Variants in KLHL29 observed in about 807,000 individuals in gnomAD.
The protein encoded by KLHL29 is kelch like family member 29.
Under a neutral mutation model 80.4 loss-of-function variants are expected in KLHL29, and 21 were observed. The ratio of observed to expected loss-of-function variants is 0.26; its 90% CI spans 0.19 to 0.38. The LOEUF is 0.38. Among genes scored for constraint, KLHL29 ranks in the 10% least tolerant of loss-of-function variants. The pLI is 1.00. For synonymous variants in KLHL29, 511 were observed against 526.8 expected, an observed-to-expected ratio of 0.97 and a Z score of 0.41; for missense variants, 867 against 1,223.9, an observed-to-expected ratio of 0.71 and a Z score of 4.35.
chr2:23,588,991 C>T (rs1486809054), intron 3 of KLHL29, among the ~76,000 whole-genome samples: 3 of 152,384 alleles, frequency 2.0e-5, no homozygotes, highest in African/African-American at 7.2e-5. Flanking sequence ...ACGCGTCACA[C>T]CATAGCTCTT....
intron 1 of KLHL29, among the ~76,000 whole-genome samples, chr2:23,468,020 G>A (rs1269059019): frequency 2.0e-5 from 3 of 151,938 alleles, no homozygotes; most frequent in Admixed American, 6.6e-5. Flanking sequence ...CAATGAGCAG[G>A]CATGATCATT....
At chr2:23,448,744 G>C (rs1006028653) in intron 1 of KLHL29, among the ~76,000 whole-genome samples, 5 of 152,206 alleles carry the variant, frequency 3.3e-5, no homozygotes, top group Admixed American at 2.6e-4. Flanking sequence ...TGCTGCACCT[G>C]CAATCTGCTT....
chr2:23,575,389 A>G (rs1017950738), intron 3 of KLHL29, among the ~76,000 whole-genome samples: 31 of 152,326 alleles, frequency 2.0e-4, no homozygotes, highest in African/African-American at 7.5e-4. Context: ...GCAGTCAGCA[A>G]CCATTCTAAG....
chr2:23,619,155 C>T (rs1350418769), intron 3 of KLHL29, among the ~76,000 whole-genome samples: 1 of 152,208 alleles, frequency 6.6e-6, no homozygotes, highest in Admixed American at 6.5e-5. Flanking sequence ...GGTGTCCACT[C>T]CTTGCTCACC....
Position 23,577,609 on chromosome 2 carries a change from G to A in KLHL29, c.285+15128G>A, listed in dbSNP as rs528038145. On this transcript the variant is annotated intron_variant, in intron 3 of 13. Coordinates refer to ENST00000486442, the MANE Select transcript of KLHL29 (RefSeq NM_052920.2). Reference sequence around the variant, plus strand: ...CTAAAAATACAAAAATTAGCTGGGCGTGGTGTTGGGCACCTGTAATCCCAG... The same window carrying A: ...CTAAAAATACAAAAATTAGCTGGGCATGGTGTTGGGCACCTGTAATCCCAG... 9.4e-4 allele frequency among the ~76,000 whole-genome samples: 142 copies of A among 151,826 alleles called. 1 individual carries two copies. Among genetic ancestry groups the A allele is most frequent in the Non-Finnish European group, 6.3e-4 (43 of 67,978 alleles).
At chr2:23,469,257 C>G (rs1056263825) in intron 1 of KLHL29, among the ~76,000 whole-genome samples, 5 of 152,150 alleles carry the variant, frequency 3.3e-5, no homozygotes, top group Admixed American at 3.3e-4. Context: ...CTCTGACTCC[C>G]CACCCACATG....
In KLHL29 at chr2:23,457,513, A is replaced by G. The variant is rs1024413608; in HGVS notation, c.-153-18047A>G. Among the ~76,000 whole-genome samples, 13 of 151,990 alleles carry G rather than the reference A, an allele frequency of 8.6e-5. No individual in the cohort carries two copies. Among genetic ancestry groups the G allele is most frequent in the South Asian group, 2.1e-4 (1 of 4,804 alleles). ...CTTTGGCCCCATGGATCACCCCTCAACCCGTCACCTTGTGTTCCCCGAGGT... is the reference window on the plus strand; with the variant it reads ...CTTTGGCCCCATGGATCACCCCTCAGCCCGTCACCTTGTGTTCCCCGAGGT... On this transcript the variant is annotated intron_variant, in intron 1 of 13. Coordinates refer to ENST00000486442, the MANE Select transcript of KLHL29 (RefSeq NM_052920.2). The surrounding 1 kb of genome is among the most constrained non-coding windows in gnomAD (Gnocchi z 4.3).
chr2:23,390,065 C>G (rs747910181), intron 1 of KLHL29, among the ~76,000 whole-genome samples: 1 of 152,158 alleles, frequency 6.6e-6, no homozygotes, highest in Non-Finnish European at 1.5e-5. Flanking sequence ...TTCCTACAAC[C>G]GCCACAGGCT....
At chr2:23,646,003 T>C (rs1669918306) in intron 5 of KLHL29, among the ~76,000 whole-genome samples, 1 of 152,252 alleles carries the variant, frequency 6.6e-6, no homozygotes, top group South Asian at 2.1e-4. Context: ...AAGACAAATC[T>C]TTCTTTCTCT....
Position 23,684,494 on chromosome 2 carries a change from G to A in KLHL29, c.1036G>A (p.Val346Ile). The A allele has an allele frequency of 1.9e-6, 3 of 1,551,106 alleles. No homozygotes were observed. The highest frequency in any genetic ancestry group is 2.6e-6 in the Non-Finnish European group (3 of 1,146,854). ...CAGAGAGTTTGAAGTCCACCAAAAT[G>A]TTCTAGCTTCCTGCAGCTTGTATTT... The part of the protein sequence containing the change: ...EGREFEVHQN[V>I]LASCSLYFKD... The change falls in exon 6 of 14, where the codon GTT (valine) becomes ATT (isoleucine). Residue 346 changes from valine (V) to isoleucine (I), a missense_variant. By Grantham distance (29) the Val-to-Ile change is conservative. Around this residue, in one of 2 missense-constraint regions of KLHL29, gnomAD observed 443 missense variants for 767.0 expected, o/e 0.58. Transcript: ENST00000486442. This position sits in a 1 kb window ranked among gnomAD's most constrained non-coding sequence, Gnocchi z 4.4.
intron 2 of KLHL29, among the ~76,000 whole-genome samples, chr2:23,484,842 C>T (rs1488388837): frequency 6.6e-6 from 1 of 152,196 alleles, no homozygotes; most frequent in Non-Finnish European, 1.5e-5. Flanking sequence ...CTGCAGACTC[C>T]TGTTCTCCCT....
At chr2:23,513,657 G>A (rs1298433268) in intron 2 of KLHL29, among the ~76,000 whole-genome samples, 2 of 152,206 alleles carry the variant, frequency 1.3e-5, no homozygotes, top group Non-Finnish European at 2.9e-5. Flanking sequence ...TTGTCAGCTG[G>A]TTACGAGTCT....
At chr2:23,532,712 G>C (rs1666535063) in intron 2 of KLHL29, 1 of 453,348 alleles carries the variant, frequency 2.2e-6, no homozygotes, top group Non-Finnish European at 4.4e-6. Context: ...TGGGTGTCAG[G>C]TGGGAGGAGG....
intron 1 of KLHL29, among the ~76,000 whole-genome samples, chr2:23,472,922 G>C (rs144933388): frequency 1.3e-5 from 2 of 152,308 alleles, no homozygotes; most frequent in African/African-American, 4.8e-5. Flanking sequence ...ATATTCAAAT[G>C]TGTAATTTGG....
chr2:23,640,280 A>G (rs1669733137), intron 4 of KLHL29, among the ~76,000 whole-genome samples: 1 of 152,182 alleles, frequency 6.6e-6, no homozygotes, highest in Admixed American at 6.5e-5. Flanking sequence ...CCACGTCATT[A>G]TCCAAGTCAC....
chr2:23,649,168 T>C (rs541860771), intron 5 of KLHL29, among the ~76,000 whole-genome samples: 1 of 152,328 alleles, frequency 6.6e-6, no homozygotes, highest in South Asian at 2.1e-4. Context: ...CAAGTCTGAC[T>C]GAATGGCTCA....
intron 1 of KLHL29, among the ~76,000 whole-genome samples, chr2:23,420,319 A>G (rs1276574236): frequency 1.3e-5 from 2 of 152,166 alleles, no homozygotes; most frequent in East Asian, 3.9e-4. Context: ...CGATCCCGTC[A>G]CTGCTTCCTC....
At chr2:23,512,132 TCA>T (rs1388140595) in intron 2 of KLHL29, among the ~76,000 whole-genome samples, 1 of 152,104 alleles carries the variant, frequency 6.6e-6, no homozygotes, top group African/African-American at 2.4e-5. Context: ...TCTCTGAGCC[TCA>T]GTTTCCTCGT....
At chr2:23,419,397 C>T (rs1419043082) in intron 1 of KLHL29, among the ~76,000 whole-genome samples, 1 of 151,970 alleles carries the variant, frequency 6.6e-6, no homozygotes, top group Admixed American at 6.5e-5. Context: ...GGGGAGGGCA[C>T]AGCCATCACA....
Sources: gnomAD v4.1 joint callset for allele counts (sites outside exome capture counted in the v4.1 genomes callset) on GRCh38, gnomAD v4.1.1 for gene constraint, gnomAD v4.1.1 regional missense constraint, Gnocchi (gnomAD v3.1) non-coding constraint, MANE v1.5 for transcripts, NCBI Gene and HGNC (gene_info 2026-07-23, HGNC 2026-07-21) for gene names.